The following ODAPH variants were observed in gnomAD, a reference collection of about 807,000 sequenced individuals.
ODAPH encodes the protein odontogenesis associated phosphoprotein.
ODAPH carries 2 observed loss-of-function variants against 2.8 expected under a neutral mutation model. That is an observed-to-expected ratio of 0.72 (90% CI 0.30 to 2.28). The LOEUF (loss-of-function observed/expected upper bound fraction) is 2.28, where lower values mean the gene tolerates loss of function less well. Ranked by LOEUF, ODAPH falls within the 30% of genes most tolerant of loss-of-function variation. ODAPH has a pLI of 0.13. For synonymous variants in ODAPH, 75 were observed against 60.3 expected (o/e 1.24, Z -1.13); for missense variants, 159 against 163.3 (o/e 0.97, Z 0.14).
intron 1 of ODAPH, 106 bp from the exon 2 acceptor site, chr4:75,564,008 T>G: frequency 1.0e-6 from 1 of 983,942 alleles, no homozygotes. Flanking sequence ...TACATTGAGA[T>G]TTCTCTAATT....
intron 1 of ODAPH, 150 bp downstream of exon 1, chr4:75,556,299 G>A (rs1462206946): frequency 1.1e-6 from 1 of 873,924 alleles, no homozygotes; most frequent in Non-Finnish European, 1.8e-6. Flanking sequence ...AAGGAAGTTG[G>A]ATTTTGTCAC....
chr4:75,556,405 A>G, intron 1 of ODAPH: 1 of 744,096 alleles, frequency 1.3e-6, no homozygotes, highest in Non-Finnish European at 2.2e-6. Flanking sequence ...AAGTGACAAC[A>G]TTAACAATAT....
intron 1 of ODAPH, among the ~76,000 whole-genome samples, chr4:75,561,577 G>A (rs1405140092): frequency 6.6e-6 from 1 of 152,168 alleles, no homozygotes; most frequent in Non-Finnish European, 1.5e-5. Flanking sequence ...CGGCCATGGT[G>A]GCTCACGCCT....
Position 75,564,169 on chromosome 4 carries a change from C to T in ODAPH, c.123C>T (p.Thr41=), listed in dbSNP as rs764679922. 2 of 1,614,152 alleles carry T rather than the reference C, an allele frequency of 1.2e-6. No individual in the cohort carries two copies. Among genetic ancestry groups the T allele is most frequent in the Admixed American group, 3.3e-5 (2 of 60,016 alleles). The part of the protein sequence containing the change: ...PGDSQNNADA[T]DCQIFTLTPP... ...ATTCACAAAATAATGCGGACGCTAC[C>T]GACTGCCAGATCTTTACACTCACCC... The change falls in exon 2 of 2, where the codon ACC becomes ACT. Residue 41 remains threonine (T), a synonymous_variant. Coordinates refer to ENST00000311623, the MANE Select transcript of ODAPH (RefSeq NM_178497.5).
chr4:75,556,789 A>G (rs1727353995), intron 1 of ODAPH, among the ~76,000 whole-genome samples: 1 of 152,218 alleles, frequency 6.6e-6, no homozygotes, highest in African/African-American at 2.4e-5. Context: ...AAAAGGAAAG[A>G]AAAGGCTGGG....
chr4:75,556,466 C>A, intron 1 of ODAPH: 1 of 1,297,786 alleles, frequency 7.7e-7, no homozygotes, highest in Non-Finnish European at 1.1e-6. Flanking sequence ...CTGTGAAAAA[C>A]TCTTCAAGCT....
At chr4:75,559,017 T>C (rs750298039) in intron 1 of ODAPH, among the ~76,000 whole-genome samples, 1 of 152,200 alleles carries the variant, frequency 6.6e-6, no homozygotes, top group Admixed American at 6.5e-5. Context: ...TAATTTATTA[T>C]TGCAGATTTT....
rs139421800 is a variant in ODAPH at position 75,559,983 on chromosome 4, G to T, written c.67+3834G>T. Reference sequence around the variant, plus strand: ...TTAACCAAGCCTCTGGGTAGGAAAGGCCTCCCTGACAAAAAGAGAGAGAGA... The same window carrying T: ...TTAACCAAGCCTCTGGGTAGGAAAGTCCTCCCTGACAAAAAGAGAGAGAGA... On this transcript the variant is annotated intron_variant, in intron 1 of 1. Transcript: ENST00000311623. 4.6e-3 allele frequency among the ~76,000 whole-genome samples: 697 copies of T among 152,278 alleles called. 3 individuals carry two copies. The highest frequency in any genetic ancestry group is 0.016 in the African/African-American group (658 of 41,560).
intron 1 of ODAPH, among the ~76,000 whole-genome samples, chr4:75,562,899 G>C (rs1335780028): frequency 6.7e-6 from 1 of 150,358 alleles, no homozygotes; most frequent in African/African-American, 2.4e-5. Flanking sequence ...AGTTGAAGCA[G>C]AACTTTTGAA....
At chr4:75,559,455 A>G (rs974242521) in intron 1 of ODAPH, among the ~76,000 whole-genome samples, 8 of 152,246 alleles carry the variant, frequency 5.3e-5, no homozygotes, top group Non-Finnish European at 1.0e-4. Context: ...TTTACAAAGG[A>G]GGAAAATGAG....
rs1182429235 is a variant in ODAPH at position 75,564,426 on chromosome 4, C to G, written c.380C>G (p.Ser127Cys). 1 of 1,614,120 alleles carries G rather than the reference C, an allele frequency of 6.2e-7. No individual in the cohort carries two copies. Among genetic ancestry groups the G allele is most frequent in the Non-Finnish European group, 8.5e-7 (1 of 1,180,028 alleles). ...AGAAGACTCCAGAGAGGAAGCTCAT[C>G]TGAGGAAAGCTGAGAGGGAAGAGAA... ...PRRRLQRGSS[S>C]EES Residue 127 changes from serine (S) to cysteine (C), a missense_variant, in exon 2 of 2, where the codon TCT (serine) becomes TGT (cysteine). Coordinates refer to ENST00000311623, the MANE Select transcript of ODAPH (RefSeq NM_178497.5).
At chr4:75,561,223 C>CAAAAAACAAAAAA (rs760206306) in intron 1 of ODAPH, among the ~76,000 whole-genome samples, 39 of 62,686 alleles carry the variant, frequency 6.2e-4, no homozygotes, top group African/African-American at 2.3e-3. Flanking sequence ...AACTCAATCT[C>CAAAAAACAAAAAA]AAAAAAAAAA....
intron 1 of ODAPH, among the ~76,000 whole-genome samples, chr4:75,560,024 G>C (rs905443390): frequency 2.6e-5 from 4 of 152,184 alleles, no homozygotes; most frequent in Non-Finnish European, 4.4e-5. Context: ...ACTTGAACAG[G>C]AGTTAGCCAG....
At position 75,564,719 on chromosome 4, in the gene ODAPH, G is replaced by C. The variant is rs1046928872; in HGVS notation, c.*280G>C. 4.9e-6 allele frequency: 3 copies of C among 609,602 alleles called. No individual in the cohort carries two copies. Among genetic ancestry groups the C allele is most frequent in the Non-Finnish European group, 8.4e-6 (3 of 355,304 alleles). The allele number at this position is 609,602 out of a possible 1,614,324, so 37.8% of individuals were successfully genotyped here. Reference sequence around the variant, plus strand: ...ATGCAAATAAAATCTTTAAATGGGTGGCTCTAGTAATTCCTATCCATACTA... The same window carrying C: ...ATGCAAATAAAATCTTTAAATGGGTCGCTCTAGTAATTCCTATCCATACTA... On this transcript the variant is annotated 3_prime_UTR_variant, in exon 2 of 2. Transcript: ENST00000311623.
At chr4:75,556,381 A>G (rs1727339786) in intron 1 of ODAPH, among the ~76,000 whole-genome samples, 2 of 152,212 alleles carry the variant, frequency 1.3e-5, no homozygotes, top group Non-Finnish European at 2.9e-5. Context: ...TGAGTATCAG[A>G]TTCCTCATAT....
Position 75,564,739 on chromosome 4 carries a change from A to C in ODAPH, c.*300A>C. The C allele has an allele frequency of 1.8e-6, 1 of 560,936 alleles. No homozygotes were observed. The highest frequency in any genetic ancestry group is 3.1e-6 in the Non-Finnish European group (1 of 319,098). The allele number at this position is 560,936 out of a possible 1,614,324, so 34.7% of individuals were successfully genotyped here. ...TGGGTGGCTCTAGTAATTCCTATCC[A>C]TACTAAGATGCTGAGAGAATCCATC... On this transcript the variant is annotated 3_prime_UTR_variant, in exon 2 of 2. Coordinates refer to ENST00000311623, the MANE Select transcript of ODAPH (RefSeq NM_178497.5).
In ODAPH at chr4:75,564,132, C is replaced by T. The variant is rs756454916; in HGVS notation, c.86C>T (p.Thr29Met). 7 of 1,614,072 alleles carry T rather than the reference C, an allele frequency of 4.3e-6. No individual in the cohort carries two copies. The highest frequency in any genetic ancestry group is 1.7e-5 in the Admixed American group (1 of 60,008). The change falls in exon 2 of 2, where the codon ACG becomes ATG. Residue 29 changes from threonine (T) to methionine (M), a missense_variant. Thr to Met is a moderately conservative substitution (Grantham distance 81). Coordinates refer to ENST00000311623, the MANE Select transcript of ODAPH (RefSeq NM_178497.5). ...TCCACAGGACAAGAAGAGGTATTTA[C>T]GCCTCCTGGAGATTCACAAAATAAT... Reference protein sequence around the residue: ...TVAEGQEEVFTPPGDSQNNAD... With the variant: ...TVAEGQEEVFMPPGDSQNNAD...
At chr4:75,562,374 T>C (rs1382324060) in intron 1 of ODAPH, among the ~76,000 whole-genome samples, 3 of 149,262 alleles carry the variant, frequency 2.0e-5, no homozygotes, top group South Asian at 2.1e-4. Flanking sequence ...AGTTTTGCTC[T>C]CGTTGCCCAG....
At chr4:75,558,987 C>T (rs1295394774) in intron 1 of ODAPH, among the ~76,000 whole-genome samples, 5 of 152,188 alleles carry the variant, frequency 3.3e-5, no homozygotes, top group South Asian at 2.1e-4. Flanking sequence ...TAAGCCACCA[C>T]GCCCAGCCAA....
Sources: gnomAD v4.1 joint callset for allele counts (sites outside exome capture counted in the v4.1 genomes callset) on GRCh38, gnomAD v4.1.1 for gene constraint, MANE v1.5 for transcripts, NCBI Gene and HGNC (gene_info 2026-07-23, HGNC 2026-07-21) for gene names.